Variants in RAPGEF4 observed in about 807,000 individuals in gnomAD.
The protein encoded by RAPGEF4 is RAP guanine-nucleotide-exchange factor (GEF) 4.
A neutral mutation model predicts 147.9 loss-of-function variants in RAPGEF4; 66 were observed. The ratio of observed to expected loss-of-function variants is 0.45; its 90% confidence interval spans 0.37 to 0.55. The LOEUF is 0.55. Ranked by LOEUF, RAPGEF4 falls within the 20% of genes least tolerant of loss-of-function variation. The pLI, the probability that RAPGEF4 is intolerant of heterozygous loss-of-function variation, is 0.00. For synonymous variants in RAPGEF4, 419 were observed against 442.7 expected (o/e 0.95, Z 0.67); for missense variants, 1,071 against 1,257.3 (o/e 0.85, Z 2.24).
intron 4 of RAPGEF4, among the ~76,000 whole-genome samples, chr2:172,914,364 T>A (rs1683810463): frequency 8.0e-6 from 1 of 124,728 alleles, no homozygotes; most frequent in Non-Finnish European, 1.6e-5. Flanking sequence ...AGACAGAGTT[T>A]CACTCAGTTG....
intron 4 of RAPGEF4, among the ~76,000 whole-genome samples, chr2:172,816,017 A>G (rs1318757243): frequency 2.6e-5 from 4 of 152,176 alleles, no homozygotes; most frequent in African/African-American, 9.7e-5. Flanking sequence ...ATCGTAAATG[A>G]TAGACATATA....
chr2:172,778,128 A>G (rs913923820), intron 1 of RAPGEF4, among the ~76,000 whole-genome samples: 2 of 152,208 alleles, frequency 1.3e-5, no homozygotes, highest in Non-Finnish European at 2.9e-5. Context: ...ACTGTTGGCT[A>G]GTATGCGTGG....
chr2:173,001,993 CAAAAAAAA>C (rs11397728), intron 17 of RAPGEF4, among the ~76,000 whole-genome samples: 4 of 79,318 alleles, frequency 5.0e-5, no homozygotes, highest in Non-Finnish European at 9.9e-5. Context: ...GTGATGCTGG[CAAAAAAAA>C]AAAAAAAAAA....
chr2:172,792,775 G>C (rs912897393), intron 1 of RAPGEF4, among the ~76,000 whole-genome samples: 6 of 152,164 alleles, frequency 3.9e-5, no homozygotes, highest in African/African-American at 1.4e-4. Context: ...CTTGAACTCT[G>C]GCCTAGCTAG....
chr2:172,951,666 T>G (rs1395574272), intron 6 of RAPGEF4, among the ~76,000 whole-genome samples: 1 of 151,712 alleles, frequency 6.6e-6, no homozygotes, highest in Non-Finnish European at 1.5e-5. Flanking sequence ...CTGGGAAGAG[T>G]GCATCCAGGC....
chr2:172,772,842 G>A (rs767535527), intron 1 of RAPGEF4, among the ~76,000 whole-genome samples: 84 of 152,138 alleles, frequency 5.5e-4, no homozygotes, highest in Non-Finnish European at 1.8e-4. Context: ...AAACTTTTGT[G>A]CTCTTTATTT....
At chr2:172,928,062 AGT>A in intron 6 of RAPGEF4, 1 of 363,538 alleles carries the variant, frequency 2.8e-6, no homozygotes, top group Non-Finnish European at 5.5e-6. Context: ...TGAGCTGTGT[AGT>A]GTGTAAATAC....
In RAPGEF4 at chr2:172,873,046, G is replaced by T. The variant is rs930241937; in HGVS notation, c.445-44756G>T. 2.0e-4 allele frequency among the ~76,000 whole-genome samples: 31 copies of T among 152,332 alleles called. 1 individual carries two copies. The highest frequency in any genetic ancestry group is 2.1e-4 in the Non-Finnish European group (14 of 68,028). ...GTTATAACATGCCACCAGCTTAGGA[G>T]AGGGAATCAGACTCCTTAATTGAAG... On this transcript the variant is annotated intron_variant, in intron 4 of 30. Transcript: ENST00000397081.
intron 1 of RAPGEF4, among the ~76,000 whole-genome samples, chr2:172,769,288 G>A (rs1023616946): frequency 6.6e-5 from 10 of 152,158 alleles, no homozygotes; most frequent in South Asian, 6.2e-4. Flanking sequence ...TCAAAGGAAG[G>A]CCAGATGGTT....
At chr2:172,907,585 A>G (rs1699752719) in intron 4 of RAPGEF4, among the ~76,000 whole-genome samples, 1 of 152,228 alleles carries the variant, frequency 6.6e-6, no homozygotes, top group African/African-American at 2.4e-5. Flanking sequence ...CAGGTGGTAC[A>G]TTATAAAATT....
intron 6 of RAPGEF4, among the ~76,000 whole-genome samples, chr2:172,951,547 A>T (rs561651775): frequency 6.6e-6 from 1 of 152,328 alleles, no homozygotes; most frequent in African/African-American, 2.4e-5. Context: ...AGAGTGCCAG[A>T]TATGGGGCAG....
chr2:172,984,041 C>A (rs941456369), intron 11 of RAPGEF4, among the ~76,000 whole-genome samples: 9 of 152,164 alleles, frequency 5.9e-5, no homozygotes, highest in African/African-American at 2.2e-4. Flanking sequence ...TTCAAGAGAG[C>A]ATCAGCTCAG....
intron 4 of RAPGEF4, among the ~76,000 whole-genome samples, chr2:172,868,308 T>C (rs546454034): frequency 3.9e-5 from 6 of 152,388 alleles, no homozygotes; most frequent in African/African-American, 1.2e-4. Context: ...AAGGTTCATT[T>C]GAAATTCACA....
chr2:172,799,290 A>G (rs1471395317), intron 3 of RAPGEF4, among the ~76,000 whole-genome samples: 3 of 152,252 alleles, frequency 2.0e-5, no homozygotes, highest in African/African-American at 2.4e-5. Flanking sequence ...GAAGTCCCCG[A>G]GTGGTTAAAT....
chr2:172,976,730 A>G (rs1349130600), intron 10 of RAPGEF4, among the ~76,000 whole-genome samples: 1 of 152,188 alleles, frequency 6.6e-6, no homozygotes, highest in African/African-American at 2.4e-5. Context: ...GTGCTGCTTG[A>G]TGGCTGGATG....
At chr2:172,842,898 G>A (rs1046994842) in intron 4 of RAPGEF4, among the ~76,000 whole-genome samples, 4 of 152,212 alleles carry the variant, frequency 2.6e-5, no homozygotes, top group Non-Finnish European at 5.9e-5. Flanking sequence ...TGCCCCACAG[G>A]CCGTGGAATG....
chr2:172,805,881 G>T (rs1373368115), intron 3 of RAPGEF4, among the ~76,000 whole-genome samples: 7 of 152,104 alleles, frequency 4.6e-5, no homozygotes, highest in Non-Finnish European at 8.8e-5. Flanking sequence ...AATACTATGG[G>T]TGTATTTTTT....
At chr2:172,740,043 T>G (rs780989415) in intron 1 of RAPGEF4, among the ~76,000 whole-genome samples, 2 of 152,226 alleles carry the variant, frequency 1.3e-5, no homozygotes, top group Non-Finnish European at 2.9e-5. Flanking sequence ...AACATAGCCA[T>G]GCTCATTTGG....
chr2:172,923,194 A>G (rs1684938741), intron 6 of RAPGEF4, among the ~76,000 whole-genome samples: 2 of 152,152 alleles, frequency 1.3e-5, no homozygotes, highest in Admixed American at 1.3e-4. Context: ...TTTTCATAGT[A>G]TTAGTTTTAA....
Sources: gnomAD v4.1 joint callset for allele counts (sites outside exome capture counted in the v4.1 genomes callset) on GRCh38, gnomAD v4.1.1 for gene constraint, MANE v1.5 for transcripts, NCBI Gene and HGNC (gene_info 2026-07-23, HGNC 2026-07-21) for gene names.